Variants in ESRRB observed in about 807,000 individuals in gnomAD.
ESRRB encodes the protein steroid hormone receptor ERR2.
In ESRRB, 16 loss-of-function variants were observed where a neutral mutation model predicts 46.0. That is an observed-to-expected ratio of 0.35 (90% CI 0.24 to 0.53). The LOEUF is 0.53. Among genes scored for constraint, ESRRB ranks in the 20% least tolerant of loss-of-function variants. The pLI, the probability that ESRRB is intolerant of heterozygous loss-of-function variation, is 0.93. For missense variants in ESRRB, 488 were observed against 607.4 expected, an observed-to-expected ratio of 0.80 and a Z score of 2.07; for synonymous variants, 246 against 259.6, an observed-to-expected ratio of 0.95 and a Z score of 0.50.
intron 2 of ESRRB, among the ~76,000 whole-genome samples, chr14:76,453,000 G>T (rs372972509): frequency 1.2e-4 from 18 of 152,214 alleles, no homozygotes; most frequent in African/African-American, 3.9e-4. Flanking sequence ...CAGCAGCAAA[G>T]GCTACACCTG....
At chr14:76,416,438 T>C (rs1595095881) in intron 1 of ESRRB, among the ~76,000 whole-genome samples, 1 of 151,726 alleles carries the variant, frequency 6.6e-6, no homozygotes, top group African/African-American at 2.4e-5. Flanking sequence ...TTTTTACTTA[T>C]AGCATTTTTT....
rs1363868648 is a variant in ESRRB, at chr14:76,441,228, A to G, written c.460+1478A>G. On this transcript the variant is annotated intron_variant, in intron 2 of 6. Coordinates refer to ENST00000644823, the MANE Select transcript of ESRRB (RefSeq NM_001379180.1). ...CACCACACCCATAAGCTTTTTATCA[A>G]TACATTTGCATATCACCTGAGTCAC... Among the ~76,000 whole-genome samples the G allele has an allele frequency of 2.0e-5, 3 of 152,310 alleles. No homozygotes were observed. In the East Asian group the frequency reaches 5.8e-4, roughly 29 times the overall value.
At chr14:76,321,137 C>T (rs984859815) in intron 1 of ESRRB, among the ~76,000 whole-genome samples, 7 of 152,266 alleles carry the variant, frequency 4.6e-5, no homozygotes, top group Admixed American at 3.3e-4. Flanking sequence ...CATATTCTCC[C>T]GTAAGTCCTT....
At chr14:76,389,489 G>A (rs368627904) in intron 1 of ESRRB, among the ~76,000 whole-genome samples, 3 of 152,212 alleles carry the variant, frequency 2.0e-5, no homozygotes, top group Non-Finnish European at 4.4e-5. Context: ...GGGAAAAGAG[G>A]CAGAAAGAAG....
chr14:76,445,191 CG>C (rs1229570159), intron 2 of ESRRB, among the ~76,000 whole-genome samples: 1 of 147,324 alleles, frequency 6.8e-6, no homozygotes, highest in Non-Finnish European at 1.5e-5. Flanking sequence ...AAAAAGCGGC[CG>C]GGTGCGATGG....
chr14:76,351,556 C>A (rs1190002110), intron 1 of ESRRB, among the ~76,000 whole-genome samples: 1 of 152,180 alleles, frequency 6.6e-6, no homozygotes, highest in Non-Finnish European at 1.5e-5. Flanking sequence ...TCTGCAATGA[C>A]CATATTTCTA....
At chr14:76,393,775 C>T (rs1235943611) in intron 1 of ESRRB, among the ~76,000 whole-genome samples, 4 of 152,142 alleles carry the variant, frequency 2.6e-5, no homozygotes, top group Middle Eastern at 3.2e-3. Context: ...AGGGACTCCA[C>T]GGCTGCTGTC....
chr14:76,325,775 G>C (rs573491801), intron 1 of ESRRB, among the ~76,000 whole-genome samples: 90 of 152,334 alleles, frequency 5.9e-4, no homozygotes, highest in African/African-American at 2.1e-3. Flanking sequence ...AGGAACACTG[G>C]AGTGGCTGAA....
intron 1 of ESRRB, among the ~76,000 whole-genome samples, chr14:76,429,398 C>T (rs1887337061): frequency 6.6e-6 from 1 of 152,148 alleles, no homozygotes; most frequent in East Asian, 1.9e-4. Context: ...CTGAAAGATA[C>T]ACATACCCAA....
intron 1 of ESRRB, among the ~76,000 whole-genome samples, chr14:76,387,831 G>A (rs1411977659): frequency 6.6e-6 from 1 of 152,232 alleles, no homozygotes; most frequent in African/African-American, 2.4e-5. Flanking sequence ...GGGGGGATAG[G>A]AGAGCTAAAT....
At chr14:76,349,002 C>G (rs187661534) in intron 1 of ESRRB, among the ~76,000 whole-genome samples, 1 of 152,306 alleles carries the variant, frequency 6.6e-6, no homozygotes, top group Admixed American at 6.5e-5. Context: ...TCCAAGCAGG[C>G]CCCCCTTCCC....
rs961974189 is a variant in ESRRB at position 76,446,537 on chromosome 14, G to GA, written c.460+6796dup. The stretch of plus-strand genomic sequence containing the variant: ...GATTGCATTTACTCGCATATCTAAA[G>GA]AAAAAAAAATGCCAATTAACAAGGA... On this transcript the variant is annotated intron_variant, in intron 2 of 6. Transcript: ENST00000644823. Among the ~76,000 whole-genome samples, 162 of 149,952 alleles carry GA rather than the reference G, an allele frequency of 1.1e-3. 1 individual carries two copies. The highest frequency in any genetic ancestry group is 4.9e-3 in the South Asian group (23 of 4,726).
At chr14:76,423,089 C>T (rs1179216440) in intron 1 of ESRRB, among the ~76,000 whole-genome samples, 2 of 146,894 alleles carry the variant, frequency 1.4e-5, no homozygotes, top group Non-Finnish European at 3.0e-5. Context: ...GGGGTACTTA[C>T]AAAAAAGCAA....
intron 1 of ESRRB, among the ~76,000 whole-genome samples, chr14:76,424,251 G>A (rs1044576788): frequency 5.3e-5 from 8 of 152,192 alleles, no homozygotes; most frequent in Non-Finnish European, 8.8e-5. Flanking sequence ...GTTCTCAGCT[G>A]GCTACAGTGG....
At chr14:76,351,664 T>C (rs72731612) in intron 1 of ESRRB, among the ~76,000 whole-genome samples, 28,658 of 152,184 alleles carry the variant, frequency 0.19, 3,400 homozygotes, top group Non-Finnish European at 0.26. Context: ...TACCACCTTC[T>C]GGGTGAAGGT....
intron 5 of ESRRB, 25 bp from the exon 6 acceptor site, chr14:76,491,422 C>T (rs1414616266): frequency 1.1e-5 from 18 of 1,606,116 alleles, no homozygotes; most frequent in Non-Finnish European, 1.5e-5. Context: ...CCTGCTGCTG[C>T]CCTCTGTGCC....
Position 76,501,546 on chromosome 14 carries a change from C to T in ESRRB, c.*3088C>T, listed in dbSNP as rs1421443644. 1 of 152,132 alleles carries T rather than the reference C, an allele frequency of 6.6e-6. No individual in the cohort carries two copies. The highest frequency in any genetic ancestry group is 1.5e-5 in the Non-Finnish European group (1 of 68,040). 9.4% of individuals were successfully genotyped at this position (152,132 alleles called of 1,614,324 possible). A position where few individuals can be genotyped will look rare whatever the true frequency, so the allele number is the denominator to read the frequency against. On this transcript the variant is annotated 3_prime_UTR_variant, in exon 7 of 7. Transcript: ENST00000644823. ...GATGGAAGTGGCAGGGGAGGGTGAC[C>T]AGCTTGTGACAAGAAGACTGAAGGG... is the stretch of plus-strand genomic sequence containing the variant.
chr14:76,478,324 C>T (rs903392787), intron 3 of ESRRB, among the ~76,000 whole-genome samples: 50 of 152,244 alleles, frequency 3.3e-4, no homozygotes, highest in African/African-American at 1.2e-3. Context: ...TCAAGTCTTT[C>T]CTGAACATCC....
intron 1 of ESRRB, among the ~76,000 whole-genome samples, chr14:76,436,007 TC>T: frequency 6.6e-6 from 1 of 152,302 alleles, no homozygotes; most frequent in East Asian, 1.9e-4. Flanking sequence ...ATAGCGGGTT[TC>T]CCTCACCAAC....
Sources: gnomAD v4.1 joint callset for allele counts (sites outside exome capture counted in the v4.1 genomes callset) on GRCh38, gnomAD v4.1.1 for gene constraint, MANE v1.5 for transcripts, NCBI Gene and HGNC (gene_info 2026-07-23, HGNC 2026-07-21) for gene names.